TNFAIP8L3: variants seen among roughly 807,000 people sequenced by gnomAD.
TNFAIP8L3 encodes TNF alpha induced protein 8 like 3.
TNFAIP8L3 carries 7 observed loss-of-function variants against 11.8 expected under a neutral mutation model. The observed-to-expected ratio is 0.59, with a 90% CI of 0.34 to 1.11. The LOEUF (loss-of-function observed/expected upper bound fraction) is 1.11. Ranked by LOEUF, TNFAIP8L3 falls within the 50% of genes most tolerant of loss-of-function variation. The pLI is 0.03. For synonymous variants in TNFAIP8L3, 98 were observed against 103.8 expected (o/e 0.94, Z 0.34); for missense variants, 219 against 258.6 (o/e 0.85, Z 1.05).
chr15:51,064,879 T>G (rs997136893), intron 1 of TNFAIP8L3: 5 of 152,224 alleles, frequency 3.3e-5, no homozygotes, highest in Admixed American at 6.5e-5. Context: ...CTTGGGATAT[T>G]TGGGAAACAG....
At chr15:51,082,007 C>G (rs1316223579) in intron 1 of TNFAIP8L3, among the ~76,000 whole-genome samples, 1 of 151,436 alleles carries the variant, frequency 6.6e-6, no homozygotes, top group East Asian at 1.9e-4. Context: ...AATAAGGGAA[C>G]TTTCCTGCTT....
chr15:51,072,989 C>CTTTTTTTTTTTTTTTTTTTTTTTT lies in TNFAIP8L3; in HGVS notation c.53-14547_53-14546insAAAAAAAAAAAAAAAAAAAAAAAA, dbSNP rs2065321403. Among the ~76,000 whole-genome samples, 6 of 45,752 alleles carry CTTTTTTTTTTTTTTTTTTTTTTTT rather than the reference C, an allele frequency of 1.3e-4. 3 individuals are homozygous for CTTTTTTTTTTTTTTTTTTTTTTTT. The highest frequency in any genetic ancestry group is 4.1e-4 in the African/African-American group (4 of 9,672). 30.0% of individuals were successfully genotyped at this position (45,752 alleles called of 152,430 possible). On this transcript the variant is annotated intron_variant, in intron 1 of 1. Coordinates refer to ENST00000637513, the MANE Select transcript of TNFAIP8L3 (RefSeq NM_001311175.2). ...ATGTTGATCTGAAGTAAACTGGGAT[C>CTTTTTTTTTTTTTTTTTTTTTTTT]CTTTTTTTTTTTTTTTTTTTTTTTG...
rs752534301 is a variant in TNFAIP8L3 at position 51,094,640 on chromosome 15, C to A, written c.-45G>T. The A allele has an allele frequency of 4.4e-5, 62 of 1,397,534 alleles. No homozygotes were observed. In the African/African-American group the frequency reaches 8.7e-4, roughly 20 times the overall value. 86.6% of individuals were successfully genotyped at this position (1,397,534 alleles called of 1,614,324 possible). The stretch of plus-strand genomic sequence containing the variant: ...GCGTCCACGGCCACCCGCCCGTCTG[C>A]GGGGCGCTCGGGCAGCCGCGGCGCA... On this transcript the variant is annotated 5_prime_UTR_variant, in exon 1 of 2. Transcript: ENST00000637513. The surrounding 1 kb of genome is among the most constrained non-coding windows in gnomAD (Gnocchi z 4.4).
At chr15:51,070,650 C>T (rs1482126597) in intron 1 of TNFAIP8L3, among the ~76,000 whole-genome samples, 1 of 152,168 alleles carries the variant, frequency 6.6e-6, no homozygotes, top group Non-Finnish European at 1.5e-5. Context: ...GCCTGCCACA[C>T]TGAGCTGCGA....
intron 1 of TNFAIP8L3, among the ~76,000 whole-genome samples, chr15:51,068,629 C>G (rs1260457046): frequency 2.7e-5 from 4 of 150,780 alleles, no homozygotes; most frequent in African/African-American, 7.3e-5. Flanking sequence ...TCTCTCTCCC[C>G]TTTGTCGTCC....
chr15:51,078,555 C>T (rs1340883815), intron 1 of TNFAIP8L3, among the ~76,000 whole-genome samples: 2 of 152,056 alleles, frequency 1.3e-5, no homozygotes, highest in South Asian at 2.1e-4. Flanking sequence ...CTAGACACTT[C>T]CCAAGTGTGA....
chr15:51,073,540 C>T (rs1189834469), intron 1 of TNFAIP8L3, among the ~76,000 whole-genome samples: 1 of 152,234 alleles, frequency 6.6e-6, no homozygotes. Context: ...TCCCTGTATA[C>T]TTATCTCCAA....
chr15:51,058,138 C>A lies in TNFAIP8L3; in HGVS notation c.358G>T (p.Val120Phe), dbSNP rs2065218473. 1 of 1,614,132 alleles carries A rather than the reference C, an allele frequency of 6.2e-7. No individual in the cohort carries two copies. Among genetic ancestry groups the A allele is most frequent in the South Asian group, 1.1e-5 (1 of 91,088 alleles). Residue 120 changes from valine to phenylalanine, a missense_variant, in exon 2 of 2, where the codon GTC becomes TTC. Val to Phe is a conservative substitution (Grantham distance 50). Coordinates refer to ENST00000637513, the MANE Select transcript of TNFAIP8L3 (RefSeq NM_001311175.2). ...GTGTATTCCACCTCATAGAAGCTGA[C>A]AATGGTCATGGCGGTCTGGTTCAGC... is the stretch of plus-strand genomic sequence containing the variant. ...KKLNQTAMTI[V>F]SFYEVEYTFD...
At chr15:51,103,182 A>C (rs2065566084) in intron 1 of TNFAIP8L3, among the ~76,000 whole-genome samples, 1 of 152,172 alleles carries the variant, frequency 6.6e-6, no homozygotes, top group Non-Finnish European at 1.5e-5. Flanking sequence ...GCCTGGTTGA[A>C]GCTATCAACC....
chr15:51,101,945 C>CAAAAAAAAAAAAAA (rs11297566), intron 1 of TNFAIP8L3, among the ~76,000 whole-genome samples: 1 of 85,720 alleles, frequency 1.2e-5, no homozygotes, highest in Non-Finnish European at 2.3e-5. Flanking sequence ...GACTCTGTCT[C>CAAAAAAAAAAAAAA]AAAAAAAAAA....
At chr15:51,065,222 C>T (rs755266832) in intron 1 of TNFAIP8L3, among the ~76,000 whole-genome samples, 1 of 151,926 alleles carries the variant, frequency 6.6e-6, no homozygotes, top group African/African-American at 2.4e-5. Flanking sequence ...GAATAAGGAC[C>T]CTTCGATCAT....
At chr15:51,092,950 G>C (rs1054928710) in intron 1 of TNFAIP8L3, among the ~76,000 whole-genome samples, 2 of 152,162 alleles carry the variant, frequency 1.3e-5, no homozygotes, top group Admixed American at 6.5e-5. Flanking sequence ...TTGGGCAGGG[G>C]AGCACAGAGA....
chr15:51,088,965 AC>A (rs140302479), intron 1 of TNFAIP8L3, among the ~76,000 whole-genome samples: 2,634 of 152,254 alleles, frequency 0.017, 94 homozygotes, highest in African/African-American at 0.06. Flanking sequence ...AGGTATAAAG[AC>A]CTGGCCTCTC....
rs564838146 is a variant in TNFAIP8L3 at position 51,066,604 on chromosome 15, T to TC, written c.53-8162dup. Among the ~76,000 whole-genome samples, 4 of 152,188 alleles carry TC rather than the reference T, an allele frequency of 2.6e-5. No homozygotes were observed. In the South Asian group the frequency reaches 8.3e-4, roughly 32 times the overall value. ...GGAGCGAGTGGTGAGAGTGATGGCC[T>TC]CCCCACCCCTTCCCGTCTCCTTTTC... On this transcript the variant is annotated intron_variant, in intron 1 of 1. Coordinates refer to ENST00000637513, the MANE Select transcript of TNFAIP8L3 (RefSeq NM_001311175.2).
chr15:51,100,538 G>C (rs2065543277), intron 1 of TNFAIP8L3, among the ~76,000 whole-genome samples: 1 of 152,192 alleles, frequency 6.6e-6, no homozygotes. Context: ...TTGTCCATAA[G>C]AGCAACATGA....
intron 1 of TNFAIP8L3, among the ~76,000 whole-genome samples, chr15:51,085,329 C>T (rs1355696490): frequency 6.6e-6 from 1 of 152,146 alleles, no homozygotes; most frequent in African/African-American, 2.4e-5. Flanking sequence ...GTAAAACCTA[C>T]CAAATGCCTC....
intron 1 of TNFAIP8L3, among the ~76,000 whole-genome samples, chr15:51,080,076 T>C (rs2065381095): frequency 6.6e-6 from 1 of 152,188 alleles, no homozygotes; most frequent in African/African-American, 2.4e-5. Context: ...TGCTTTTAAC[T>C]GTCTACTACA....
chr15:51,083,681 T>C (rs2065407617), intron 1 of TNFAIP8L3, among the ~76,000 whole-genome samples: 1 of 152,236 alleles, frequency 6.6e-6, no homozygotes, highest in Non-Finnish European at 1.5e-5. Context: ...ACCCTGTTCA[T>C]GGCATGGAGG....
At chr15:51,066,401 A>T (rs1331447020) in intron 1 of TNFAIP8L3, among the ~76,000 whole-genome samples, 1 of 152,110 alleles carries the variant, frequency 6.6e-6, no homozygotes, top group Non-Finnish European at 1.5e-5. Flanking sequence ...TGACCTCGTG[A>T]TCCACCCGCC....
Sources: allele counts gnomAD v4.1 joint callset (sites outside exome capture counted in the v4.1 genomes callset), GRCh38; gene constraint gnomAD v4.1.1; non-coding constraint Gnocchi (gnomAD v3.1); transcripts MANE v1.5; gene names NCBI Gene and HGNC (gene_info 2026-07-23, HGNC 2026-07-21).